The following RGS21 variants were observed in gnomAD, a reference collection of about 807,000 sequenced individuals.
RGS21 encodes the protein regulator of G-protein signalling 21.
Under a neutral mutation model 18.7 loss-of-function variants are expected in RGS21, and 19 were observed. The observed-to-expected ratio is 1.01, with a 90% CI of 0.71 to 1.49. The LOEUF is 1.49. Ranked by LOEUF, RGS21 falls within the 40% of genes most tolerant of loss-of-function variation. The pLI, the probability that RGS21 is intolerant of heterozygous loss-of-function variation, is 0.00. For synonymous variants in RGS21, 56 were observed against 57.8 expected (o/e 0.97, Z 0.14); for missense variants, 194 against 176.8 (o/e 1.10, Z -0.55).
intron 4 of RGS21, among the ~76,000 whole-genome samples, chr1:192,359,823 A>T (rs1445757754): frequency 6.0e-5 from 9 of 150,670 alleles, no homozygotes; most frequent in African/African-American, 2.2e-4. Flanking sequence ...TACATTATTT[A>T]GTAAGATATA....
At chr1:192,338,739 C>G (rs193097002) in intron 1 of RGS21, among the ~76,000 whole-genome samples, 3 of 152,180 alleles carry the variant, frequency 2.0e-5, no homozygotes, top group Non-Finnish European at 2.9e-5. Flanking sequence ...TCTTCCCTAG[C>G]TCATTTTCCT....
chr1:192,364,954 G>T (rs1257060899), intron 4 of RGS21, among the ~76,000 whole-genome samples: 1 of 151,956 alleles, frequency 6.6e-6, no homozygotes, highest in Non-Finnish European at 1.5e-5. Context: ...CCAACATGGT[G>T]AAACCCCGTC....
chr1:192,348,022 A>ATTT (rs796305729), intron 3 of RGS21, among the ~76,000 whole-genome samples: 1 of 141,132 alleles, frequency 7.1e-6, no homozygotes, highest in Non-Finnish European at 1.6e-5. Context: ...ATATATATGT[A>ATTT]TTTTTTTTTT....
chr1:192,325,098 T>C (rs1658550375), intron 1 of RGS21, among the ~76,000 whole-genome samples: 1 of 152,112 alleles, frequency 6.6e-6, no homozygotes, highest in African/African-American at 2.4e-5. Context: ...TGCTTGGGTT[T>C]GGTGTACAAG....
chr1:192,364,448 G>A (rs1373918850), intron 4 of RGS21, among the ~76,000 whole-genome samples: 1 of 151,888 alleles, frequency 6.6e-6, no homozygotes, highest in Non-Finnish European at 1.5e-5. Flanking sequence ...TGGTATTCTT[G>A]TGTCATTTAA....
At chr1:192,332,092 T>A (rs1391995302) in intron 1 of RGS21, among the ~76,000 whole-genome samples, 1 of 151,912 alleles carries the variant, frequency 6.6e-6, no homozygotes, top group Non-Finnish European at 1.5e-5. Flanking sequence ...AAGCTTAAGG[T>A]ACAGAAAAAG....
chr1:192,348,651 C>T (rs1428663222), intron 3 of RGS21, among the ~76,000 whole-genome samples: 1 of 152,020 alleles, frequency 6.6e-6, no homozygotes, highest in Non-Finnish European at 1.5e-5. Flanking sequence ...ACACAACTTA[C>T]ATATAAAATA....
At chr1:192,327,117 T>C (rs916242945) in intron 1 of RGS21, among the ~76,000 whole-genome samples, 4 of 151,982 alleles carry the variant, frequency 2.6e-5, no homozygotes, top group African/African-American at 7.2e-5. Context: ...CATCGAATAA[T>C]AGAGAAATTG....
chr1:192,334,809 ATC>A (rs1255772801), intron 1 of RGS21, among the ~76,000 whole-genome samples: 4 of 152,190 alleles, frequency 2.6e-5, no homozygotes, highest in East Asian at 1.9e-4. Flanking sequence ...TATGTGTTCC[ATC>A]TCTCTTTTTC....
intron 1 of RGS21, among the ~76,000 whole-genome samples, chr1:192,317,816 CTAAG>C (rs1472518240): frequency 2.0e-5 from 3 of 151,850 alleles, no homozygotes; most frequent in Non-Finnish European, 2.9e-5. Flanking sequence ...TCATGTCACT[CTAAG>C]TAAAGTCTTA....
At chr1:192,332,554 C>T (rs1202448381) in intron 1 of RGS21, among the ~76,000 whole-genome samples, 1 of 152,032 alleles carries the variant, frequency 6.6e-6, no homozygotes, top group Non-Finnish European at 1.5e-5. Context: ...GGGGAAGAGT[C>T]ATTAGACATG....
chr1:192,347,005 T>C (rs190869806), intron 2 of RGS21, among the ~76,000 whole-genome samples: 167 of 152,256 alleles, frequency 1.1e-3, no homozygotes, highest in African/African-American at 3.8e-3. Context: ...AATATACTCA[T>C]AGTTGAAAAG....
In RGS21 at chr1:192,356,371, G is replaced by A. The variant is rs961944053; in HGVS notation, c.255+4158G>A. Among the ~76,000 whole-genome samples the A allele has an allele frequency of 1.3e-5, 2 of 151,802 alleles. 1 individual carries two copies. The highest frequency in any genetic ancestry group is 4.1e-4 in the South Asian group (2 of 4,824). ...TAAGTATAACACAATGTGTTGCTGT[G>A]TTAGGCAGCTCTCCATAACGAAATG... On this transcript the variant is annotated intron_variant, in intron 4 of 4. Transcript: ENST00000417209.
Position 192,352,171 on chromosome 1 carries a change from G to C in RGS21, c.213G>C (p.Lys71Asn). The change falls in exon 4 of 5, where the codon AAG becomes AAC. Residue 71 changes from lysine (K) to asparagine (N), a missense_variant. Transcript: ENST00000417209. ...KNADKIASKAKMIYSEFIEAD... is the reference protein window; with the variant it reads ...KNADKIASKANMIYSEFIEAD... ...CAGACAAAATTGCTTCCAAAGCCAAGATGATTTATTCTGAATTCATTGAAG... is the reference window on the plus strand; with the variant it reads ...CAGACAAAATTGCTTCCAAAGCCAACATGATTTATTCTGAATTCATTGAAG... 6.2e-7 allele frequency: 1 copy of C among 1,610,916 alleles called. No homozygotes were observed. The highest frequency in any genetic ancestry group is 8.5e-7 in the Non-Finnish European group (1 of 1,178,516).
chr1:192,322,188 T>C lies in RGS21; in HGVS notation c.-61+5083T>C, dbSNP rs540797458. 1.1e-4 allele frequency among the ~76,000 whole-genome samples: 16 copies of C among 151,676 alleles called. No homozygotes were observed. The South Asian group carries it at 3.3e-3, about 31-fold the overall frequency. ...AGGTATACTCAGTTCCTTTAGAACC[T>C]GAGAAGATTCATTTGAATATAGAAG... On this transcript the variant is annotated intron_variant, in intron 1 of 4. Coordinates refer to ENST00000417209, the MANE Select transcript of RGS21 (RefSeq NM_001039152.3).
chr1:192,335,017 A>AGATGAGT (rs1658744472), intron 1 of RGS21, among the ~76,000 whole-genome samples: 1 of 152,138 alleles, frequency 6.6e-6, no homozygotes, highest in Non-Finnish European at 1.5e-5. Flanking sequence ...GGACCTACAA[A>AGATGAGT]TAACAGTATT....
At chr1:192,335,333 T>C (rs113204565) in intron 1 of RGS21, among the ~76,000 whole-genome samples, 23 of 152,172 alleles carry the variant, frequency 1.5e-4, no homozygotes, top group African/African-American at 5.5e-4. Context: ...AGAATGAAAT[T>C]AGATACTCTC....
chr1:192,361,146 A>G (rs1659182200), intron 4 of RGS21, among the ~76,000 whole-genome samples: 1 of 152,148 alleles, frequency 6.6e-6, no homozygotes, highest in South Asian at 2.1e-4. Context: ...ATGAAGACTT[A>G]GCACATCAGT....
At chr1:192,337,465 AT>A (rs1260690536) in intron 1 of RGS21, among the ~76,000 whole-genome samples, 2 of 152,154 alleles carry the variant, frequency 1.3e-5, no homozygotes, top group South Asian at 4.1e-4. Context: ...TTAAAATTAT[AT>A]TACTTAGCTT....
Sources: allele counts gnomAD v4.1 joint callset (sites outside exome capture counted in the v4.1 genomes callset), GRCh38; gene constraint gnomAD v4.1.1; transcripts MANE v1.5; gene names NCBI Gene and HGNC (gene_info 2026-07-23, HGNC 2026-07-21).